PON2: variants seen among roughly 807,000 people sequenced by gnomAD.
The protein encoded by PON2 is serum paraoxonase/arylesterase 2.
PON2 carries 27 observed loss-of-function variants against 36.6 expected under a neutral mutation model. The observed-to-expected ratio is 0.74, with a 90% confidence interval of 0.54 to 1.02. The LOEUF (loss-of-function observed/expected upper bound fraction) is 1.02, where lower values mean the gene tolerates loss of function less well. Among genes scored for constraint, PON2 ranks in the 50% least tolerant of loss-of-function variants. PON2 has a pLI of 0.00. For missense variants in PON2, 363 were observed against 421.1 expected, an observed-to-expected ratio of 0.86 and a Z score of 1.21; for synonymous variants, 149 against 156.3, an observed-to-expected ratio of 0.95 and a Z score of 0.35.
chr7:95,434,612 A>G (rs962442738), intron 1 of PON2, among the ~76,000 whole-genome samples: 10 of 152,194 alleles, frequency 6.6e-5, no homozygotes, highest in Non-Finnish European at 1.3e-4. Flanking sequence ...AGCAGAAGAG[A>G]ACTTTGTTAG....
intron 1 of PON2, chr7:95,434,395 C>T (rs1326031635): frequency 6.3e-6 from 1 of 158,668 alleles, no homozygotes; most frequent in Non-Finnish European, 1.4e-5. Context: ...TGATCTACAG[C>T]TGAAGAGTTT....
chr7:95,409,088 G>A (rs1012772127), intron 6 of PON2, among the ~76,000 whole-genome samples: 31 of 152,142 alleles, frequency 2.0e-4, no homozygotes, highest in African/African-American at 5.3e-4. Context: ...TGAGGTGGGC[G>A]GATCACCTGA....
intron 2 of PON2, among the ~76,000 whole-genome samples, chr7:95,418,820 T>C (rs948171906): frequency 3.9e-5 from 6 of 152,148 alleles, no homozygotes; most frequent in African/African-American, 1.4e-4. Context: ...TCCCTCCCCT[T>C]CATCGGTTCT....
At chr7:95,424,458 T>G (rs1789266616) in intron 2 of PON2, 57 bp downstream of exon 2, 2 of 1,405,206 alleles carry the variant, frequency 1.4e-6, no homozygotes, top group South Asian at 2.3e-5. Flanking sequence ...TAATGAGTGT[T>G]TTAATGTTAA....
At chr7:95,433,915 C>T (rs1789501269) in intron 1 of PON2, among the ~76,000 whole-genome samples, 1 of 152,222 alleles carries the variant, frequency 6.6e-6, no homozygotes. Flanking sequence ...TTAGAACATC[C>T]TAATTTATAC....
intron 2 of PON2, among the ~76,000 whole-genome samples, chr7:95,423,531 G>A (rs1285434929): frequency 6.6e-6 from 1 of 151,988 alleles, no homozygotes; most frequent in African/African-American, 2.4e-5. Context: ...AATCTGGACA[G>A]ATCCCTCCTT....
At chr7:95,419,066 A>T (rs1234538404) in intron 2 of PON2, among the ~76,000 whole-genome samples, 1 of 152,224 alleles carries the variant, frequency 6.6e-6, no homozygotes, top group Non-Finnish European at 1.5e-5. Flanking sequence ...AAAAATTCAC[A>T]ATAATTCCTC....
At position 95,411,674 on chromosome 7, in the gene PON2, A is replaced by G. The variant is rs748497034; in HGVS notation, c.473T>C (p.Val158Ala). The G allele has an allele frequency of 1.2e-6, 2 of 1,614,036 alleles. No individual in the cohort carries two copies. Among genetic ancestry groups the G allele is most frequent in the Non-Finnish European group, 8.5e-7 (1 of 1,179,940 alleles). ...AENSLLHLKT[V>A]KHELLPSVND... ...GTACCTTGGAAGAAGCTCATGTTTGACTGTTTTCAGATGCAACAGAGAATT... is the reference window on the plus strand; with the variant it reads ...GTACCTTGGAAGAAGCTCATGTTTGGCTGTTTTCAGATGCAACAGAGAATT... The change falls in exon 5 of 9, where the codon GTC (valine) becomes GCC (alanine). Residue 158 changes from valine (V) to alanine (A), a missense_variant. Coordinates refer to ENST00000222572, the MANE Select transcript of PON2 (RefSeq NM_000305.3).
chr7:95,406,072 C>G (rs1177719520), intron 8 of PON2, 47 bp downstream of exon 8: 2 of 1,570,356 alleles, frequency 1.3e-6, no homozygotes, highest in Non-Finnish European at 1.8e-6. Flanking sequence ...ATTATTAGTT[C>G]AAAAGGACTT....
chr7:95,412,574 TA>T, intron 3 of PON2, 97 bp from the exon 4 acceptor site: 1 of 1,321,862 alleles, frequency 7.6e-7, no homozygotes, highest in African/African-American at 1.5e-5. Context: ...AGATTGTGGT[TA>T]AAGTAGTGGC....
At chr7:95,408,768 G>A (rs1024228904) in intron 6 of PON2, among the ~76,000 whole-genome samples, 4 of 152,164 alleles carry the variant, frequency 2.6e-5, no homozygotes, top group Non-Finnish European at 5.9e-5. Flanking sequence ...AAGCTATCAA[G>A]AATTTAATAT....
chr7:95,426,235 A>T (rs557049891), intron 1 of PON2, among the ~76,000 whole-genome samples: 51 of 149,674 alleles, frequency 3.4e-4, no homozygotes, highest in African/African-American at 1.3e-3. Context: ...GTACCCCTTG[A>T]ATCTAAAATA....
intron 1 of PON2, among the ~76,000 whole-genome samples, chr7:95,433,653 C>T (rs1174101687): frequency 1.3e-5 from 2 of 152,220 alleles, no homozygotes. Context: ...CCTATCCTTC[C>T]CACCACCCTA....
rs183173849 is a variant in PON2, at chr7:95,406,316, T to C, written c.778-69A>G. ...TTGATTAAATAATTTAGAGGTAACC[T>C]TCCTGCCTCTATGCATGTGAGGAAA... is the stretch of plus-strand genomic sequence containing the variant. On this transcript the variant is annotated intron_variant, in intron 7 of 8. Transcript: ENST00000222572. 3.5e-3 allele frequency: 5,214 copies of C among 1,493,936 alleles called. 20 individuals are homozygous for C. Among genetic ancestry groups the C allele is most frequent in the Middle Eastern group, 0.017 (98 of 5,692 alleles). The allele number at this position is 1,493,936 out of a possible 1,614,324, so 92.5% of individuals were successfully genotyped here.
intron 6 of PON2, among the ~76,000 whole-genome samples, chr7:95,407,514 G>C (rs1809731383): frequency 6.6e-6 from 1 of 152,114 alleles, no homozygotes; most frequent in African/African-American, 2.4e-5. Flanking sequence ...TTAATACATA[G>C]CGAATTTTAA....
chr7:95,426,290 G>GCCTA (rs1186287667), intron 1 of PON2, among the ~76,000 whole-genome samples: 1 of 152,102 alleles, frequency 6.6e-6, no homozygotes, highest in African/African-American at 2.4e-5. Context: ...AGTTTATGTA[G>GCCTA]CCTAATGTGG....
chr7:95,429,127 G>A (rs1412399513), intron 1 of PON2, among the ~76,000 whole-genome samples: 1 of 151,676 alleles, frequency 6.6e-6, no homozygotes, highest in East Asian at 1.9e-4. Flanking sequence ...TTGGTCTGCT[G>A]CACCCATTAA....
At chr7:95,419,167 C>A (rs1223323603) in intron 2 of PON2, among the ~76,000 whole-genome samples, 3 of 152,122 alleles carry the variant, frequency 2.0e-5, no homozygotes, top group African/African-American at 7.2e-5. Flanking sequence ...AATTCAGAGT[C>A]CAGGTAAGGT....
At chr7:95,409,821 A>G (rs1788877203) in intron 6 of PON2, 80 bp downstream of exon 6, 2 of 1,232,028 alleles carry the variant, frequency 1.6e-6, no homozygotes, top group East Asian at 4.8e-5. Context: ...CTATTTTCAC[A>G]TTGACAAAGA....
Sources: gnomAD v4.1 joint callset for allele counts (sites outside exome capture counted in the v4.1 genomes callset) on GRCh38, gnomAD v4.1.1 for gene constraint, MANE v1.5 for transcripts, NCBI Gene and HGNC (gene_info 2026-07-23, HGNC 2026-07-21) for gene names.